TNK2: variants seen among roughly 807,000 people sequenced by gnomAD.
The protein encoded by TNK2 is tyrosine kinase non receptor 2, also known as activated CDC42 kinase 1.
A neutral mutation model predicts 101.8 loss-of-function variants in TNK2; 83 were observed. That is an observed-to-expected ratio of 0.82 (90% CI 0.68 to 0.98). The LOEUF is 0.98. Ranked by LOEUF, TNK2 falls within the 50% of genes least tolerant of loss-of-function variation. TNK2 has a pLI of 0.00. For missense variants in TNK2, 1,665 were observed against 1,483.2 expected, an observed-to-expected ratio of 1.12 and a Z score of -2.01; for synonymous variants, 804 against 633.0, an observed-to-expected ratio of 1.27 and a Z score of -4.06.
chr3:195,886,762 C>T lies in TNK2; in HGVS notation c.234+215G>A, dbSNP rs188053709. 2.6e-5 allele frequency among the ~76,000 whole-genome samples: 4 copies of T among 152,322 alleles called. No homozygotes were observed. In the East Asian group the frequency reaches 7.7e-4, roughly 29 times the overall value. On this transcript the variant is annotated intron_variant, in intron 3 of 15. Transcript: ENST00000672887. This position sits in a 1 kb window ranked among gnomAD's most constrained non-coding sequence, Gnocchi z 4.2. ...AAGGCCTCACCGCACACAGGCTGCT[C>T]ACGTGTCCGTATCTGGCGGAGACAG...
At chr3:195,889,065 G>A (rs767435673) in intron 1 of TNK2, among the ~76,000 whole-genome samples, 22 of 152,060 alleles carry the variant, frequency 1.4e-4, no homozygotes, top group Non-Finnish European at 2.1e-4. Flanking sequence ...TAGATGTGAC[G>A]GAGAAAACTC....
At chr3:195,906,943 G>A (rs780923101) in intron 1 of TNK2, among the ~76,000 whole-genome samples, 3 of 152,046 alleles carry the variant, frequency 2.0e-5, no homozygotes, top group Non-Finnish European at 4.4e-5. Flanking sequence ...CTTTACTCAC[G>A]ACACTGCAGG....
Position 195,882,142 on chromosome 3 carries a change from C to T in TNK2, c.796G>A (p.Val266Ile). The T allele has an allele frequency of 6.2e-7, 1 of 1,613,856 alleles. No homozygotes were observed. The highest frequency in any genetic ancestry group is 8.5e-7 in the Non-Finnish European group (1 of 1,179,992). Residue 266 changes from valine (V) to isoleucine (I), a missense_variant, in exon 6 of 16, where the codon GTC becomes ATC. Val to Ile is a conservative substitution (Grantham distance 29). Around this residue, in one of 3 missense-constraint regions of TNK2, gnomAD observed 490 missense variants for 522.5 expected, o/e 0.94. Coordinates refer to ENST00000672887, the MANE Select transcript of TNK2 (RefSeq NM_001382273.1). This position sits in a 1 kb window ranked among gnomAD's most constrained non-coding sequence, Gnocchi z 4.2. ...ATCAGCCCAAAGTCCCCGATCTTGA[C>T]CAGGTCGCGGGTAGCCAACAGCAGA... The part of the protein sequence containing the change: ...RNLLLATRDL[V>I]KIGDFGLMRA...
At position 195,872,159 on chromosome 3, in the gene TNK2, C is replaced by G. The variant is rs1381314347; in HGVS notation, c.1451+117G>C. ...GGGTGAGGAGGGGAGAGTGGCGGGT[C>G]GGGGGCTGAAGCCCGGGCGAAAGGG... On this transcript the variant is annotated intron_variant, in intron 10 of 15. Coordinates refer to ENST00000672887, the MANE Select transcript of TNK2 (RefSeq NM_001382273.1). 12 of 1,197,316 alleles carry G rather than the reference C, an allele frequency of 1.0e-5. No individual in the cohort carries two copies. In the South Asian group the frequency reaches 1.2e-4, roughly 12 times the overall value. The allele number at this position is 1,197,316 out of a possible 1,614,324, so 74.2% of individuals were successfully genotyped here.
At chr3:195,865,772 G>C (rs904041102) in intron 15 of TNK2, among the ~76,000 whole-genome samples, 1 of 152,010 alleles carries the variant, frequency 6.6e-6, no homozygotes, top group South Asian at 2.1e-4. Context: ...AGAACCACCC[G>C]AGACAGTATG....
At chr3:195,900,404 C>T (rs181533746) in intron 1 of TNK2, among the ~76,000 whole-genome samples, 19 of 152,318 alleles carry the variant, frequency 1.2e-4, no homozygotes, top group South Asian at 2.1e-4. Context: ...TCTGACTAAA[C>T]AGCGTGACCC....
In TNK2 at chr3:195,886,871, C is replaced by T. The variant is rs913475110; in HGVS notation, c.234+106G>A. The T allele has an allele frequency of 6.4e-5, 82 of 1,279,950 alleles. No individual in the cohort carries two copies. Among genetic ancestry groups the T allele is most frequent in the Non-Finnish European group, 8.3e-5 (73 of 877,926 alleles). The allele number at this position is 1,279,950 out of a possible 1,614,324, so 79.3% of individuals were successfully genotyped here. On this transcript the variant is annotated intron_variant, in intron 3 of 15. Transcript: ENST00000672887. The surrounding 1 kb of genome is among the most constrained non-coding windows in gnomAD (Gnocchi z 4.2). Reference sequence around the variant, plus strand: ...CCTGTACAAAGTGCCGGCAGAACGGCGAGATTCGACCTGCCGGGGAGCTGG... The same window carrying T: ...CCTGTACAAAGTGCCGGCAGAACGGTGAGATTCGACCTGCCGGGGAGCTGG...
At chr3:195,871,745 G>C (rs1305387151) in intron 10 of TNK2, among the ~76,000 whole-genome samples, 1 of 152,190 alleles carries the variant, frequency 6.6e-6, no homozygotes, top group African/African-American at 2.4e-5. Flanking sequence ...GCTTCTCTCA[G>C]GACCCCTGCA....
At chr3:195,864,528 A>G (rs1326546116) in intron 15 of TNK2, among the ~76,000 whole-genome samples, 2 of 149,320 alleles carry the variant, frequency 1.3e-5, no homozygotes, top group Admixed American at 1.3e-4. Flanking sequence ...GAACCACCCC[A>G]GACAGCGACA....
chr3:195,885,523 G>A lies in TNK2; in HGVS notation c.235-490C>T, dbSNP rs1560523284. ...GTGCTGTCTGTCTCCACCCTCACCAGGGAGTCGGCTGCCCTTCATCCTGCC... is the reference window on the plus strand; with the variant it reads ...GTGCTGTCTGTCTCCACCCTCACCAAGGAGTCGGCTGCCCTTCATCCTGCC... On this transcript the variant is annotated intron_variant, in intron 3 of 15. Coordinates refer to ENST00000672887, the MANE Select transcript of TNK2 (RefSeq NM_001382273.1). The surrounding 1 kb of genome is among the most constrained non-coding windows in gnomAD (Gnocchi z 4.7). The A allele has an allele frequency of 7.7e-7, 1 of 1,293,084 alleles. No homozygotes were observed. Among genetic ancestry groups the A allele is most frequent in the East Asian group, 5.5e-5 (1 of 18,134 alleles). The allele number at this position is 1,293,084 out of a possible 1,614,324, so 80.1% of individuals were successfully genotyped here. A position where few individuals can be genotyped will look rare whatever the true frequency, so the allele number is the denominator to read the frequency against.
In TNK2 at chr3:195,878,509, C is replaced by T. The variant is rs567955001; in HGVS notation, c.1098G>A (p.Gln366=). ...CPQDIYNVMV[Q]CWAHKPEDRP... is the part of the protein sequence containing the mutation. ...TGTCCTCTGGCTTGTGAGCCCAGCA[C>T]TGGACCATGACGTTGTAGATGTCCT... Residue 366 remains glutamine, a synonymous_variant, in exon 8 of 16, where the codon CAG becomes CAA. Coordinates refer to ENST00000672887, the MANE Select transcript of TNK2 (RefSeq NM_001382273.1). This position sits in a 1 kb window ranked among gnomAD's most constrained non-coding sequence, Gnocchi z 4.7. The T allele has an allele frequency of 1.9e-6, 3 of 1,613,932 alleles. No individual in the cohort carries two copies. Among genetic ancestry groups the T allele is most frequent in the South Asian group, 2.2e-5 (2 of 91,086 alleles).
At position 195,882,117 on chromosome 3, in the gene TNK2, A is replaced by G. The variant is rs1753417424; in HGVS notation, c.821T>C (p.Met274Thr). The G allele has an allele frequency of 1.2e-6, 2 of 1,613,814 alleles. No individual in the cohort carries two copies. Among genetic ancestry groups the G allele is most frequent in the African/African-American group, 2.7e-5 (2 of 75,044 alleles). ...DLVKIGDFGL[M>T]RALPQNDDHY... is the part of the protein sequence containing the mutation. ...GTCGTCATTCTGAGGTAGTGCTCGC[A>G]TCAGCCCAAAGTCCCCGATCTTGAC... is the stretch of plus-strand genomic sequence containing the variant. The change falls in exon 6 of 16, where the codon ATG (methionine) becomes ACG (threonine). Residue 274 changes from methionine (M) to threonine (T), a missense_variant. Around this residue, in one of 3 missense-constraint regions of TNK2, gnomAD observed 490 missense variants for 522.5 expected, o/e 0.94. Transcript: ENST00000672887. This position sits in a 1 kb window ranked among gnomAD's most constrained non-coding sequence, Gnocchi z 4.2.
In TNK2 at chr3:195,878,957, T is replaced by C. The variant is rs1750949591; in HGVS notation, c.1014+92A>G. 5.8e-6 allele frequency: 9 copies of C among 1,558,988 alleles called. No homozygotes were observed. Among genetic ancestry groups the C allele is most frequent in the East Asian group, 2.3e-5 (1 of 44,312 alleles). On this transcript the variant is annotated intron_variant, in intron 7 of 15. Coordinates refer to ENST00000672887, the MANE Select transcript of TNK2 (RefSeq NM_001382273.1). This position sits in a 1 kb window ranked among gnomAD's most constrained non-coding sequence, Gnocchi z 4.7. ...ACGGGGCGTGGGAGGAGGGAGTCCA[T>C]TGGTGAGAGGCAGTTCCAGCAGGGC... is the stretch of plus-strand genomic sequence containing the variant.
chr3:195,870,738 G>A (rs761903028), intron 10 of TNK2, among the ~76,000 whole-genome samples: 72 of 152,392 alleles, frequency 4.7e-4, no homozygotes, highest in Admixed American at 3.9e-4. Context: ...AAGCCTGGAG[G>A]AATGGGGCTG....
In TNK2 at chr3:195,870,100, A is replaced by G; in HGVS notation, c.1543+14T>C. 6.9e-7 allele frequency: 1 copy of G among 1,450,318 alleles called. No homozygotes were observed. Among genetic ancestry groups the G allele is most frequent in the Non-Finnish European group, 9.1e-7 (1 of 1,095,612 alleles). 89.8% of individuals were successfully genotyped at this position (1,450,318 alleles called of 1,614,324 possible). The stretch of plus-strand genomic sequence containing the variant: ...CGATGAGTTAGGGACACCAGGGAGC[A>G]GAGGGGCTCTTACTTTTCACCCCTC... On this transcript the variant is annotated intron_variant, in intron 11 of 15. Coordinates refer to ENST00000672887, the MANE Select transcript of TNK2 (RefSeq NM_001382273.1).
chr3:195,870,389 G>A (rs746569516), intron 10 of TNK2, 184 bp from the exon 11 acceptor site: 7 of 1,457,628 alleles, frequency 4.8e-6, no homozygotes, highest in South Asian at 3.6e-5. Context: ...CTGGAGAGAA[G>A]GCAGAGAAAG....
In TNK2 at chr3:195,888,368, G is replaced by A; in HGVS notation, c.163+58C>T. ...TGCCACCCGTGCACCGAGTGGTCCT[G>A]AGGACAGAGGACGGAAAGGGTCAGG... On this transcript the variant is annotated intron_variant, in intron 2 of 15. Transcript: ENST00000672887. The surrounding 1 kb of genome is among the most constrained non-coding windows in gnomAD (Gnocchi z 5.3). 5 of 1,574,964 alleles carry A rather than the reference G, an allele frequency of 3.2e-6. No homozygotes were observed. In the South Asian group the frequency reaches 3.5e-5, roughly 11 times the overall value.
chr3:195,880,842 G>A (rs28452384), intron 6 of TNK2, among the ~76,000 whole-genome samples: 1 of 30,526 alleles, frequency 3.3e-5, no homozygotes, highest in Admixed American at 3.5e-4. Context: ...ATGCCCCTTG[G>A]AGAGGACACA....
At chr3:195,865,674 C>T (rs1308883911) in intron 15 of TNK2, among the ~76,000 whole-genome samples, 1 of 150,196 alleles carries the variant, frequency 6.7e-6, no homozygotes, top group Non-Finnish European at 1.5e-5. Flanking sequence ...GTGCCTGCGT[C>T]CCAGGTGCAA....
Sources: gnomAD v4.1 joint callset for allele counts (sites outside exome capture counted in the v4.1 genomes callset) on GRCh38, gnomAD v4.1.1 for gene constraint, gnomAD v4.1.1 regional missense constraint, Gnocchi (gnomAD v3.1) non-coding constraint, MANE v1.5 for transcripts, NCBI Gene and HGNC (gene_info 2026-07-23, HGNC 2026-07-21) for gene names.